SNAP47: variants seen among roughly 807,000 people sequenced by gnomAD.
SNAP47 encodes the protein synaptosome associated protein 47.
SNAP47 carries 20 observed loss-of-function variants against 31.4 expected under a neutral mutation model. That is an observed-to-expected ratio of 0.64 (90% confidence interval 0.45 to 0.93). The LOEUF (loss-of-function observed/expected upper bound fraction) is 0.93, where lower values mean the gene tolerates loss of function less well. Among genes scored for constraint, SNAP47 ranks in the 40% least tolerant of loss-of-function variants. SNAP47 has a pLI of 0.00. For synonymous variants in SNAP47, 194 were observed against 213.4 expected (o/e 0.91, Z 0.79); for missense variants, 492 against 528.5 (o/e 0.93, Z 0.68).
intron 2 of SNAP47, among the ~76,000 whole-genome samples, chr1:227,754,481 C>T (rs1662572615): frequency 1.3e-5 from 2 of 152,200 alleles, no homozygotes; most frequent in African/African-American, 2.4e-5. Context: ...CCAGGGACCA[C>T]GCCCTCCTCT....
intron 4 of SNAP47, among the ~76,000 whole-genome samples, chr1:227,773,896 G>A (rs1663993784): frequency 6.6e-6 from 1 of 152,240 alleles, no homozygotes; most frequent in South Asian, 2.1e-4. Context: ...TCATTAGGCA[G>A]CACATGACTA....
chr1:227,761,790 G>C (rs1663080130), intron 3 of SNAP47, among the ~76,000 whole-genome samples: 1 of 152,180 alleles, frequency 6.6e-6, no homozygotes, highest in South Asian at 2.1e-4. Context: ...CAGGGTCCCA[G>C]TAGAGAAGCA....
At chr1:227,752,536 C>A (rs994221015) in intron 2 of SNAP47, among the ~76,000 whole-genome samples, 1 of 152,146 alleles carries the variant, frequency 6.6e-6, no homozygotes, top group African/African-American at 2.4e-5. Flanking sequence ...TGCTCCAGGT[C>A]TGTCCATCTT....
At chr1:227,768,347 G>C in intron 4 of SNAP47, 1 of 985,424 alleles carries the variant, frequency 1.0e-6, no homozygotes, top group African/African-American at 1.7e-5. Context: ...CCCCGTCCCT[G>C]AGCCTCTGAG....
In SNAP47 at chr1:227,755,116, T is replaced by C. The variant is rs115178490; in HGVS notation, c.498-3879T>C. Among the ~76,000 whole-genome samples the C allele has an allele frequency of 4.4e-3, 676 of 152,334 alleles. 4 individuals are homozygous for C. The highest frequency in any genetic ancestry group is 0.015 in the African/African-American group (633 of 41,568). On this transcript the variant is annotated intron_variant, in intron 2 of 4. Coordinates refer to ENST00000617596, the MANE Select transcript of SNAP47 (RefSeq NM_053052.4). ...ACACTTGCCATCTGTCATCTCTAAG[T>C]GCGGCCACCTATAAGACCTAATCTT...
intron 4 of SNAP47, among the ~76,000 whole-genome samples, chr1:227,769,074 G>A (rs1028482642): frequency 9.9e-5 from 15 of 152,230 alleles, no homozygotes; most frequent in South Asian, 2.1e-4. Flanking sequence ...CTCAAAGCCC[G>A]GGAGCGTTGG....
intron 1 of SNAP47, among the ~76,000 whole-genome samples, chr1:227,738,532 T>C (rs1257879525): frequency 1.3e-5 from 2 of 152,214 alleles, no homozygotes; most frequent in Non-Finnish European, 2.9e-5. Context: ...AATATACATA[T>C]ATAAACTTTT....
chr1:227,753,956 T>TG (rs2102938160), intron 2 of SNAP47, among the ~76,000 whole-genome samples: 1 of 152,256 alleles, frequency 6.6e-6, no homozygotes, highest in East Asian at 1.9e-4. Flanking sequence ...GTAGGTGGCT[T>TG]GTGTTAACCA....
chr1:227,729,845 T>C (rs1276968990), intron 1 of SNAP47, among the ~76,000 whole-genome samples: 1 of 152,170 alleles, frequency 6.6e-6, no homozygotes, highest in Non-Finnish European at 1.5e-5. Flanking sequence ...CCCCATCATG[T>C]TCCCTCACTC....
intron 4 of SNAP47, among the ~76,000 whole-genome samples, chr1:227,768,043 C>T (rs1024793533): frequency 2.0e-5 from 3 of 152,330 alleles, no homozygotes; most frequent in Admixed American, 6.5e-5. Flanking sequence ...GTAAATATCT[C>T]CATATGTATC....
chr1:227,759,399 A>T lies in SNAP47; in HGVS notation c.902A>T (p.Lys301Met). ...IPILEVQFSK[K>M]MELLEDALVL... ...ATTTTAGAAGTGCAGTTCAGCAAGA[A>T]GATGGAGCTGTTAGAAGATGCATTG... Residue 301 changes from lysine (K) to methionine (M), a missense_variant, in exon 3 of 5, where the codon AAG becomes ATG. Coordinates refer to ENST00000617596, the MANE Select transcript of SNAP47 (RefSeq NM_053052.4). 3 of 1,614,252 alleles carry T rather than the reference A, an allele frequency of 1.9e-6. No individual in the cohort carries two copies. The South Asian group carries it at 3.3e-5, about 18-fold the overall frequency.
At chr1:227,766,270 G>C (rs965027447) in intron 3 of SNAP47, among the ~76,000 whole-genome samples, 2 of 152,252 alleles carry the variant, frequency 1.3e-5, no homozygotes, top group Non-Finnish European at 2.9e-5. Flanking sequence ...GGAGCTGCGT[G>C]TGCTGCAGAA....
chr1:227,780,886 C>A lies in SNAP47; in HGVS notation c.*213C>A. ...TGGCTGTCCCTGCTGCTGGGCAGGA[C>A]CCGGCCACATGTTCTGCGGATGCTG... On this transcript the variant is annotated 3_prime_UTR_variant, in exon 5 of 5. Transcript: ENST00000617596. 1.6e-6 allele frequency: 1 copy of A among 627,038 alleles called. No individual in the cohort carries two copies. Among genetic ancestry groups the A allele is most frequent in the Non-Finnish European group, 2.7e-6 (1 of 366,278 alleles). 38.8% of individuals were successfully genotyped at this position (627,038 alleles called of 1,614,324 possible).
chr1:227,776,382 G>A, intron 4 of SNAP47: 4 of 986,808 alleles, frequency 4.1e-6, no homozygotes, highest in Non-Finnish European at 4.8e-6. Flanking sequence ...TTTCTGTGGA[G>A]GTCGAACTGG....
At chr1:227,735,379 C>A (rs751799632), upstream of SNAP47, 40 of 1,588,976 alleles carry the variant, frequency 2.5e-5, no homozygotes, top group South Asian at 5.6e-5. Flanking sequence ...GTTTCTGCCC[C>A]GCCAGCGCCT....
At chr1:227,739,059 A>G (rs1661424026) in intron 1 of SNAP47, among the ~76,000 whole-genome samples, 1 of 152,192 alleles carries the variant, frequency 6.6e-6, no homozygotes, top group African/African-American at 2.4e-5. Context: ...GGACTGGAAC[A>G]TAGGCTTGTG....
intron 2 of SNAP47, among the ~76,000 whole-genome samples, chr1:227,750,084 A>T (rs554896093): frequency 6.6e-6 from 1 of 152,340 alleles, no homozygotes; most frequent in African/African-American, 2.4e-5. Context: ...TATTGCATGC[A>T]GGTTAGTTGG....
rs1285085777 is a variant in SNAP47, at chr1:227,762,371, C to T, written c.988+2886C>T. 6.6e-6 allele frequency among the ~76,000 whole-genome samples: 1 copy of T among 152,182 alleles called. No individual in the cohort carries two copies. The highest frequency in any genetic ancestry group is 1.5e-5 in the Non-Finnish European group (1 of 68,034). On this transcript the variant is annotated intron_variant, in intron 3 of 4. Coordinates refer to ENST00000617596, the MANE Select transcript of SNAP47 (RefSeq NM_053052.4). The surrounding 1 kb of genome is among the most constrained non-coding windows in gnomAD (Gnocchi z 4.2). ...TGGTGCTATGTTAGCAAGAAGGCGG[C>T]GCCCCGTTTGATGGGAGCTCAGTAG...
upstream of SNAP47, chr1:227,735,394 C>T (rs771519209): frequency 1.3e-5 from 20 of 1,581,716 alleles, 1 homozygote; most frequent in South Asian, 1.3e-4. Flanking sequence ...GCGCCTGGGG[C>T]TCCGGGCCTG....
Sources: gnomAD v4.1 joint callset for allele counts (sites outside exome capture counted in the v4.1 genomes callset) on GRCh38, gnomAD v4.1.1 for gene constraint, Gnocchi (gnomAD v3.1) non-coding constraint, MANE v1.5 for transcripts, NCBI Gene and HGNC (gene_info 2026-07-23, HGNC 2026-07-21) for gene names.